ZFPM2: variants seen among roughly 807,000 people sequenced by gnomAD.
ZFPM2 encodes the protein zinc finger protein, FOG family member 2.
A neutral mutation model predicts 98.6 loss-of-function variants in ZFPM2; 20 were observed. The observed-to-expected ratio is 0.20, with a 90% CI of 0.14 to 0.29. ZFPM2 has a LOEUF of 0.29. Among genes scored for constraint, ZFPM2 ranks in the 10% least tolerant of loss-of-function variants. ZFPM2 has a pLI of 1.00. For missense variants in ZFPM2, 1,310 were observed against 1,388.6 expected, an observed-to-expected ratio of 0.94 and a Z score of 0.90; for synonymous variants, 518 against 502.7, an observed-to-expected ratio of 1.03 and a Z score of -0.41.
intron 1 of ZFPM2, among the ~76,000 whole-genome samples, chr8:105,360,882 A>G (rs1471348696): frequency 7.2e-6 from 1 of 139,008 alleles, no homozygotes; most frequent in Non-Finnish European, 1.5e-5. Flanking sequence ...ATTGTTGGAC[A>G]TTTGGGTTGG....
intron 2 of ZFPM2, among the ~76,000 whole-genome samples, chr8:105,440,832 C>T (rs1812221603): frequency 1.3e-5 from 2 of 152,184 alleles, no homozygotes. Context: ...GCTATGCTAT[C>T]AGTGCCTCCG....
intron 5 of ZFPM2, among the ~76,000 whole-genome samples, chr8:105,637,101 A>G (rs1366345632): frequency 1.3e-5 from 2 of 152,288 alleles, no homozygotes; most frequent in South Asian, 2.1e-4. Flanking sequence ...AAACAACTCA[A>G]TGAAATAGAT....
intron 5 of ZFPM2, among the ~76,000 whole-genome samples, chr8:105,756,662 A>G (rs1440611753): frequency 6.6e-6 from 1 of 152,156 alleles, no homozygotes; most frequent in Non-Finnish European, 1.5e-5. Flanking sequence ...GATTTACTTC[A>G]ATATAACTCT....
At chr8:105,455,371 C>A (rs888581833) in intron 3 of ZFPM2, among the ~76,000 whole-genome samples, 1 of 151,992 alleles carries the variant, frequency 6.6e-6, no homozygotes, top group Non-Finnish European at 1.5e-5. Flanking sequence ...ATAACCTGGG[C>A]AGAATATGCA....
At chr8:105,797,249 AAC>A in intron 6 of ZFPM2, 1 of 152,292 alleles carries the variant, frequency 6.6e-6, no homozygotes, top group South Asian at 2.1e-4. Flanking sequence ...AGGGGGAAAA[AAC>A]ACACGTGAAG....
At chr8:105,447,147 G>A (rs940468223) in intron 3 of ZFPM2, among the ~76,000 whole-genome samples, 36 of 151,622 alleles carry the variant, frequency 2.4e-4, no homozygotes, top group Middle Eastern at 3.4e-3. Context: ...TTGTTTTCCT[G>A]TCTTAAAATA....
At chr8:105,599,722 A>G (rs1171138202) in intron 4 of ZFPM2, among the ~76,000 whole-genome samples, 4 of 152,164 alleles carry the variant, frequency 2.6e-5, no homozygotes, top group Non-Finnish European at 5.9e-5. Flanking sequence ...GGGCTGCACC[A>G]TCAGCCCTAT....
At chr8:105,319,892 G>T (rs186044811) in intron 1 of ZFPM2, 1 of 152,264 alleles carries the variant, frequency 6.6e-6, no homozygotes, top group East Asian at 1.9e-4. Flanking sequence ...AGATCAAGTC[G>T]GTCAACTTTT....
intron 1 of ZFPM2, among the ~76,000 whole-genome samples, chr8:105,328,240 G>A (rs1347392293): frequency 6.6e-6 from 1 of 151,672 alleles, no homozygotes; most frequent in Non-Finnish European, 1.5e-5. Flanking sequence ...ATTATTGGGG[G>A]ATGGATGTAT....
Position 105,699,086 on chromosome 8 carries a change from T to C in ZFPM2, c.532+64729T>C, listed in dbSNP as rs571300227. 3.3e-5 allele frequency among the ~76,000 whole-genome samples: 5 copies of C among 152,286 alleles called. No individual in the cohort carries two copies. The East Asian group carries it at 9.7e-4, about 29-fold the overall frequency. ...TTTACCTAATGTCAGACTTAAGCAA[T>C]ATTAAATCTATTTGAACTTAATTGC... On this transcript the variant is annotated intron_variant, in intron 5 of 7. Coordinates refer to ENST00000407775, the MANE Select transcript of ZFPM2 (RefSeq NM_012082.4).
intron 6 of ZFPM2, 70 bp downstream of exon 6, chr8:105,788,994 T>A: frequency 1.5e-6 from 2 of 1,335,802 alleles, no homozygotes; most frequent in Non-Finnish European, 2.0e-6. Flanking sequence ...AAATGTCTAC[T>A]GACAAGAAAC....
In ZFPM2 at chr8:105,803,223, A is replaced by G. The variant is rs1444414954; in HGVS notation, c.3141A>G (p.Gly1047=). 8.7e-6 allele frequency: 14 copies of G among 1,611,266 alleles called. No individual in the cohort carries two copies. Among genetic ancestry groups the G allele is most frequent in the Non-Finnish European group, 1.2e-5 (14 of 1,178,106 alleles). ...KNRGMVIVNG[G]LKQDERPAAN... The stretch of plus-strand genomic sequence containing the variant: ...GAGGAATGGTAATAGTGAATGGTGG[A>G]CTGAAACAAGATGAGAGACCTGCTG... The change falls in exon 8 of 8, where the codon GGA becomes GGG. Residue 1047 remains glycine (G), a synonymous_variant. Coordinates refer to ENST00000407775, the MANE Select transcript of ZFPM2 (RefSeq NM_012082.4).
chr8:105,788,130 G>T (rs543973914), intron 5 of ZFPM2, among the ~76,000 whole-genome samples: 2 of 152,116 alleles, frequency 1.3e-5, no homozygotes, highest in Non-Finnish European at 2.9e-5. Flanking sequence ...TATAAGTAAA[G>T]ATTATTCAGC....
At chr8:105,739,328 G>A (rs1812160862) in intron 5 of ZFPM2, among the ~76,000 whole-genome samples, 2 of 152,008 alleles carry the variant, frequency 1.3e-5, no homozygotes, top group South Asian at 2.1e-4. Flanking sequence ...AGATTATAAC[G>A]AGTAAATTAA....
At chr8:105,680,784 T>G (rs540883352) in intron 5 of ZFPM2, among the ~76,000 whole-genome samples, 62 of 152,286 alleles carry the variant, frequency 4.1e-4, no homozygotes, top group African/African-American at 1.4e-3. Context: ...TCTAAAAGAC[T>G]TTGGGATCTC....
intron 2 of ZFPM2, among the ~76,000 whole-genome samples, chr8:105,431,250 C>T (rs1812014686): frequency 6.6e-6 from 1 of 152,048 alleles, no homozygotes; most frequent in Non-Finnish European, 1.5e-5. Flanking sequence ...AAAGAGAAGC[C>T]TCTGGTTTGT....
At position 105,558,460 on chromosome 8, in the gene ZFPM2, C is replaced by T. The variant is rs921400833; in HGVS notation, c.302-2903C>T. ...ACAGTTACTGGACTTTCTGTTGTGG[C>T]CATATTTAAGAGCTTGTAAAAGTAT... On this transcript the variant is annotated intron_variant, in intron 3 of 7. Coordinates refer to ENST00000407775, the MANE Select transcript of ZFPM2 (RefSeq NM_012082.4). Among the ~76,000 whole-genome samples the T allele has an allele frequency of 6.6e-5, 10 of 152,084 alleles. 1 individual carries two copies. The highest frequency in any genetic ancestry group is 5.9e-4 in the Admixed American group (9 of 15,274).
chr8:105,464,071 C>T (rs1352650273), intron 3 of ZFPM2, among the ~76,000 whole-genome samples: 1 of 152,040 alleles, frequency 6.6e-6, no homozygotes, highest in Non-Finnish European at 1.5e-5. Context: ...CTTTCCTTTT[C>T]TCCTTGGGAC....
chr8:105,648,529 T>C (rs1817100204), intron 5 of ZFPM2, among the ~76,000 whole-genome samples: 1 of 152,228 alleles, frequency 6.6e-6, no homozygotes, highest in African/African-American at 2.4e-5. Context: ...TTTAAGTCTT[T>C]AATCCATCTT....
Sources: allele counts gnomAD v4.1 joint callset (sites outside exome capture counted in the v4.1 genomes callset), GRCh38; gene constraint gnomAD v4.1.1; transcripts MANE v1.5; gene names NCBI Gene and HGNC (gene_info 2026-07-23, HGNC 2026-07-21).